MAPKAPK3: variants seen among roughly 807,000 people sequenced by gnomAD.
MAPKAPK3 encodes MAPK activated protein kinase 3.
A neutral mutation model predicts 49.2 loss-of-function variants in MAPKAPK3; 35 were observed. The ratio of observed to expected loss-of-function variants is 0.71; its 90% CI spans 0.54 to 0.94. The LOEUF is 0.94. MAPKAPK3 is among the 40% of genes least tolerant of loss of function. The probability of loss-of-function intolerance (pLI) is 0.00; values close to 1 mark genes in which losing one functional copy is unlikely to be tolerated. For synonymous variants in MAPKAPK3, 178 were observed against 188.7 expected (o/e 0.94, Z 0.46); for missense variants, 398 against 493.1 (o/e 0.81, Z 1.83).
chr3:50,630,388 C>T (rs1255368626), intron 2 of MAPKAPK3, among the ~76,000 whole-genome samples: 1 of 152,246 alleles, frequency 6.6e-6, no homozygotes, highest in Non-Finnish European at 1.5e-5. Flanking sequence ...CAGGCCTGTA[C>T]AGTTGAATCC....
At chr3:50,638,505 A>C (rs541725772) in intron 2 of MAPKAPK3, among the ~76,000 whole-genome samples, 7 of 152,306 alleles carry the variant, frequency 4.6e-5, no homozygotes, top group African/African-American at 1.7e-4. Flanking sequence ...GTCTGCCCAC[A>C]GCAGCCTTGA....
rs553027397 is a variant in MAPKAPK3 at position 50,630,725 on chromosome 3, A to T, written c.220-9641A>T. 2.6e-5 allele frequency among the ~76,000 whole-genome samples: 4 copies of T among 152,288 alleles called. No homozygotes were observed. The East Asian group carries it at 7.7e-4, about 29-fold the overall frequency. On this transcript the variant is annotated intron_variant, in intron 2 of 10. Transcript: ENST00000621469. ...GGATGAGTGCCTGCTCCAAGCCTTG[A>T]AGCTGCATGGAAAAGGGGTGAAGCA...
At chr3:50,611,849 C>G, upstream of MAPKAPK3, 1 of 637,278 alleles carries the variant, frequency 1.6e-6, no homozygotes, top group Non-Finnish European at 2.4e-6. Context: ...GAGCTGCTGC[C>G]TAATCCTTTG....
chr3:50,618,408 G>A (rs567754467), intron 2 of MAPKAPK3, among the ~76,000 whole-genome samples: 19 of 152,278 alleles, frequency 1.2e-4, no homozygotes, highest in Non-Finnish European at 2.6e-4. Flanking sequence ...GGCAGAGGGC[G>A]GGCCAGCCAT....
chr3:50,644,267 G>A, intron 5 of MAPKAPK3, 142 bp from the exon 6 acceptor site: 1 of 943,756 alleles, frequency 1.1e-6, no homozygotes, highest in Non-Finnish European at 1.6e-6. Flanking sequence ...CATGTTAGTG[G>A]GCAAGGCCCG....
intron 2 of MAPKAPK3, among the ~76,000 whole-genome samples, chr3:50,618,727 G>T (rs2032534952): frequency 1.3e-5 from 2 of 151,956 alleles, no homozygotes; most frequent in South Asian, 4.1e-4. Context: ...GTCTCACTCT[G>T]TCGCCAGGCT....
chr3:50,638,793 G>A (rs753170742), intron 2 of MAPKAPK3, among the ~76,000 whole-genome samples: 31 of 152,254 alleles, frequency 2.0e-4, no homozygotes, highest in Non-Finnish European at 2.9e-4. Context: ...CCTGTGTAAA[G>A]TGGCCTGGCT....
chr3:50,638,084 A>G (rs1332419187), intron 2 of MAPKAPK3, among the ~76,000 whole-genome samples: 1 of 152,162 alleles, frequency 6.6e-6, no homozygotes, highest in African/African-American at 2.4e-5. Flanking sequence ...AAAGCATTCC[A>G]GCTGTGAGCT....
Position 50,646,967 on chromosome 3 carries a change from T to C in MAPKAPK3, c.915+142T>C, listed in dbSNP as rs757698911. The C allele has an allele frequency of 8.4e-4, 861 of 1,025,724 alleles. 6 individuals are homozygous for C. Among genetic ancestry groups the C allele is most frequent in the Middle Eastern group, 2.1e-3 (10 of 4,828 alleles). 63.5% of individuals were successfully genotyped at this position (1,025,724 alleles called of 1,614,324 possible). On this transcript the variant is annotated intron_variant, in intron 9 of 10. Transcript: ENST00000621469. ...CACAGGTAGATACTAGGGCCTCACC[T>C]ACAACCTGGCTTTGTCACTGCCCTA...
chr3:50,647,845 G>A, intron 10 of MAPKAPK3, 49 bp from the exon 11 acceptor site: 1 of 1,565,738 alleles, frequency 6.4e-7, no homozygotes, highest in Non-Finnish European at 8.6e-7. Context: ...TGGTTCCTAA[G>A]GTCAGTACAT....
At chr3:50,624,843 C>T (rs962052111) in intron 2 of MAPKAPK3, among the ~76,000 whole-genome samples, 2 of 152,164 alleles carry the variant, frequency 1.3e-5, no homozygotes, top group Non-Finnish European at 1.5e-5. Context: ...CATACCTGTG[C>T]CATGAGAGTG....
chr3:50,629,248 A>C (rs1258925176), intron 2 of MAPKAPK3, among the ~76,000 whole-genome samples: 3 of 152,050 alleles, frequency 2.0e-5, no homozygotes, highest in Non-Finnish European at 4.4e-5. Flanking sequence ...ATTTCCTGTG[A>C]CCTGCTGAAT....
intron 2 of MAPKAPK3, among the ~76,000 whole-genome samples, chr3:50,631,116 C>T (rs41308269): frequency 0.014 from 2,070 of 151,214 alleles, 38 homozygotes; most frequent in Non-Finnish European, 0.016. Context: ...CTTAATGAAG[C>T]GAGGTCTCAT....
In MAPKAPK3 at chr3:50,647,140, A is replaced by G. The variant is rs2033319664; in HGVS notation, c.933A>G (p.Pro311=). 1 of 1,590,364 alleles carries G rather than the reference A, an allele frequency of 6.3e-7. No individual in the cohort carries two copies. Among genetic ancestry groups the G allele is most frequent in the Non-Finnish European group, 8.6e-7 (1 of 1,168,186 alleles). Reference sequence around the variant, plus strand: ...CCTTCCAGCAATCGATGGTAGTGCCACAGACCCCACTCCACACGGCCCGAG... The same window carrying G: ...CCTTCCAGCAATCGATGGTAGTGCCGCAGACCCCACTCCACACGGCCCGAG... The part of the protein sequence containing the change: ...HPWINQSMVV[P]QTPLHTARVL... The change falls in exon 10 of 11, where the codon CCA becomes CCG. Residue 311 remains proline (P), a synonymous_variant. Coordinates refer to ENST00000621469, the MANE Select transcript of MAPKAPK3 (RefSeq NM_001243925.2).
intron 2 of MAPKAPK3, among the ~76,000 whole-genome samples, chr3:50,630,428 G>A (rs938532112): frequency 2.6e-5 from 4 of 152,218 alleles, no homozygotes; most frequent in African/African-American, 9.6e-5. Flanking sequence ...ACTCAGTGGT[G>A]GCCATGTGCA....
In MAPKAPK3 at chr3:50,644,427, A is replaced by G; in HGVS notation, c.523A>G (p.Thr175Ala). The change falls in exon 6 of 11, where the codon ACA becomes GCA. Residue 175 changes from threonine to alanine, a missense_variant. Coordinates refer to ENST00000621469, the MANE Select transcript of MAPKAPK3 (RefSeq NM_001243925.2). Reference protein sequence around the residue: ...RDVKPENLLYTSKEKDAVLKL... With the variant: ...RDVKPENLLYASKEKDAVLKL... ...GGCCCAGCCTGAAAACCTACTCTAC[A>G]CATCTAAGGAGAAAGACGCAGTGCT... is the stretch of plus-strand genomic sequence containing the variant. 1.2e-6 allele frequency: 2 copies of G among 1,614,090 alleles called. No homozygotes were observed. The highest frequency in any genetic ancestry group is 1.7e-6 in the Non-Finnish European group (2 of 1,180,002).
chr3:50,640,828 G>A (rs546547546), intron 3 of MAPKAPK3, among the ~76,000 whole-genome samples: 7 of 152,314 alleles, frequency 4.6e-5, no homozygotes, highest in Non-Finnish European at 1.0e-4. Flanking sequence ...GGGGGATTTG[G>A]GGAAGAACAG....
At chr3:50,621,624 G>A (rs1045711127) in intron 2 of MAPKAPK3, among the ~76,000 whole-genome samples, 5 of 140,358 alleles carry the variant, frequency 3.6e-5, no homozygotes, top group African/African-American at 1.4e-4. Flanking sequence ...AAAAAAAGTA[G>A]CCAGGTGTGG....
rs545277836 is a variant in MAPKAPK3 at position 50,617,401 on chromosome 3, C to A, written c.-52-113C>A. The A allele has an allele frequency of 2.2e-5, 13 of 581,190 alleles. No individual in the cohort carries two copies. The East Asian group carries it at 3.3e-4, about 15-fold the overall frequency. The allele number at this position is 581,190 out of a possible 1,614,324, so 36.0% of individuals were successfully genotyped here. A position where few individuals can be genotyped will look rare whatever the true frequency, so the allele number is the denominator to read the frequency against. On this transcript the variant is annotated intron_variant, in intron 1 of 10. Coordinates refer to ENST00000621469, the MANE Select transcript of MAPKAPK3 (RefSeq NM_001243925.2). ...TGCACGTCTGTACTCTCAGGCCGTT[C>A]GTCCCGCACTCCCAGCTTGCCCCGG...
Sources: gnomAD v4.1 joint callset for allele counts (sites outside exome capture counted in the v4.1 genomes callset) on GRCh38, gnomAD v4.1.1 for gene constraint, MANE v1.5 for transcripts, NCBI Gene and HGNC (gene_info 2026-07-23, HGNC 2026-07-21) for gene names.